The following ERI3 variants were observed in gnomAD, a reference collection of about 807,000 sequenced individuals.
ERI3 encodes the protein ERI1 exoribonuclease family member 3.
ERI3 carries 18 observed loss-of-function variants against 44.4 expected under a neutral mutation model. That is an observed-to-expected ratio of 0.41 (90% confidence interval 0.28 to 0.60). The LOEUF (loss-of-function observed/expected upper bound fraction) is 0.60. Among genes scored for constraint, ERI3 ranks in the 20% least tolerant of loss-of-function variants. The probability of loss-of-function intolerance (pLI) is 0.36; values close to 1 mark genes in which losing one functional copy is unlikely to be tolerated. For missense variants in ERI3, 294 were observed against 435.5 expected, an observed-to-expected ratio of 0.68 and a Z score of 2.89; for synonymous variants, 183 against 164.8, an observed-to-expected ratio of 1.11 and a Z score of -0.84.
intron 7 of ERI3, among the ~76,000 whole-genome samples, chr1:44,263,225 G>T (rs1228032068): frequency 6.6e-6 from 1 of 152,206 alleles, no homozygotes; most frequent in Non-Finnish European, 1.5e-5. Context: ...GGGGAAGAAT[G>T]ATAGTAACTG....
At chr1:44,294,416 C>G (rs957837197) in intron 6 of ERI3, among the ~76,000 whole-genome samples, 1 of 152,228 alleles carries the variant, frequency 6.6e-6, no homozygotes, top group Non-Finnish European at 1.5e-5. Flanking sequence ...ATGAAGCATA[C>G]AAGTGCCACA....
intron 6 of ERI3, among the ~76,000 whole-genome samples, chr1:44,295,354 T>C (rs1645589053): frequency 6.6e-6 from 1 of 152,214 alleles, no homozygotes; most frequent in Non-Finnish European, 1.5e-5. Flanking sequence ...TCTCACAGCA[T>C]TTGTGTTGTG....
intron 3 of ERI3, among the ~76,000 whole-genome samples, chr1:44,334,093 G>A (rs1489752361): frequency 6.6e-6 from 1 of 152,224 alleles, no homozygotes; most frequent in Non-Finnish European, 1.5e-5. Context: ...GGAGCCTGAC[G>A]GATGGCCAGA....
At chr1:44,315,838 G>A (rs574239138) in intron 4 of ERI3, among the ~76,000 whole-genome samples, 1 of 152,336 alleles carries the variant, frequency 6.6e-6, no homozygotes, top group Admixed American at 6.5e-5. Context: ...CAAGGCACTG[G>A]ACAAAGAAGG....
Position 44,319,616 on chromosome 1 carries a change from C to A in ERI3, c.606+12G>T, listed in dbSNP as rs754747884. 1.2e-5 allele frequency: 19 copies of A among 1,597,744 alleles called. No homozygotes were observed. The highest frequency in any genetic ancestry group is 1.6e-5 in the Non-Finnish European group (19 of 1,166,750). On this transcript the variant is annotated intron_variant, in intron 4 of 8. Transcript: ENST00000372257. ...CCCAGCAGCCCCTGCTGCCCACTTC[C>A]AGGGCCCTTACCTCTGTACAGAATG...
At chr1:44,247,386 C>T (rs1159614381) in intron 8 of ERI3, among the ~76,000 whole-genome samples, 2 of 152,164 alleles carry the variant, frequency 1.3e-5, no homozygotes, top group Non-Finnish European at 2.9e-5. Context: ...CATTTGGTAC[C>T]CCAAGTGGAC....
chr1:44,353,044 G>T, intron 1 of ERI3, 119 bp from the exon 2 acceptor site: 3 of 1,537,446 alleles, frequency 2.0e-6, no homozygotes, highest in Non-Finnish European at 2.6e-6. Flanking sequence ...CTATCTATGT[G>T]CAAAGACAGT....
intron 2 of ERI3, among the ~76,000 whole-genome samples, chr1:44,341,446 G>A (rs1487621754): frequency 2.0e-5 from 3 of 152,196 alleles, no homozygotes; most frequent in African/African-American, 4.8e-5. Context: ...TAATTCATAA[G>A]GCAGCCTCAG....
At chr1:44,301,463 T>TCA (rs1259313063) in intron 6 of ERI3, among the ~76,000 whole-genome samples, 2 of 152,194 alleles carry the variant, frequency 1.3e-5, no homozygotes, top group Non-Finnish European at 2.9e-5. Flanking sequence ...AGCAATACCC[T>TCA]CATTCCTTAC....
chr1:44,304,167 C>T (rs932454147), intron 6 of ERI3, among the ~76,000 whole-genome samples: 3 of 152,012 alleles, frequency 2.0e-5, no homozygotes, highest in Admixed American at 6.5e-5. Flanking sequence ...GAGTAGGTAG[C>T]TGGATACGCA....
chr1:44,311,302 C>T (rs1012554012), intron 5 of ERI3, among the ~76,000 whole-genome samples: 5 of 152,204 alleles, frequency 3.3e-5, no homozygotes, highest in African/African-American at 1.2e-4. Context: ...CATTCGCTTG[C>T]ACAGCAGCTA....
rs569227891 is a variant in ERI3, at chr1:44,255,319, T to C, written c.832-7281A>G. Among the ~76,000 whole-genome samples, 20 of 152,306 alleles carry C rather than the reference T, an allele frequency of 1.3e-4. No homozygotes were observed. The South Asian group carries it at 4.1e-3, about 32-fold the overall frequency. On this transcript the variant is annotated intron_variant, in intron 7 of 8. Transcript: ENST00000372257. ...CTGTGGACAGTTTCAGATTCTTACCTGCCTTCGCCATTTTGCAGCCTGCTC... is the reference window on the plus strand; with the variant it reads ...CTGTGGACAGTTTCAGATTCTTACCCGCCTTCGCCATTTTGCAGCCTGCTC...
At chr1:44,263,165 C>T (rs1486507043) in intron 7 of ERI3, among the ~76,000 whole-genome samples, 1 of 152,226 alleles carries the variant, frequency 6.6e-6, no homozygotes, top group Non-Finnish European at 1.5e-5. Context: ...GATTCTCACA[C>T]TTTTTTCTAT....
intron 8 of ERI3, among the ~76,000 whole-genome samples, chr1:44,247,543 G>A (rs892934218): frequency 4.6e-5 from 7 of 152,110 alleles, no homozygotes; most frequent in African/African-American, 9.7e-5. Flanking sequence ...CCCATTGATC[G>A]TCCAGTTTAG....
At chr1:44,354,114 C>T (rs1646949479) in intron 1 of ERI3, 1 of 985,410 alleles carries the variant, frequency 1.0e-6, no homozygotes, top group East Asian at 1.1e-4. Flanking sequence ...CTGGAAGAAA[C>T]TCTACAATCA....
intron 8 of ERI3, among the ~76,000 whole-genome samples, chr1:44,246,891 T>TC (rs973419677): frequency 1.3e-4 from 19 of 151,238 alleles, no homozygotes; most frequent in South Asian, 6.3e-4. Context: ...CTCTCTCCAG[T>TC]CCCCCCCCAC....
Position 44,308,836 on chromosome 1 carries a change from C to A in ERI3, c.667-435G>T, listed in dbSNP as rs1645894227. Among the ~76,000 whole-genome samples, 4 of 152,176 alleles carry A rather than the reference C, an allele frequency of 2.6e-5. No individual in the cohort carries two copies. The South Asian group carries it at 8.3e-4, about 31-fold the overall frequency. On this transcript the variant is annotated intron_variant, in intron 5 of 8. Transcript: ENST00000372257. ...CACTCATTCATTTATTTGTTTTACT[C>A]TTCTACCAAATGTTTATTAACCAAA...
At chr1:44,337,579 C>T (rs1646560929) in intron 3 of ERI3, among the ~76,000 whole-genome samples, 1 of 152,198 alleles carries the variant, frequency 6.6e-6, no homozygotes, top group South Asian at 2.1e-4. Flanking sequence ...AAGGACCTTC[C>T]TTTAGGATAT....
chr1:44,300,723 C>T (rs1287210985), intron 6 of ERI3, among the ~76,000 whole-genome samples: 1 of 152,166 alleles, frequency 6.6e-6, no homozygotes, highest in Non-Finnish European at 1.5e-5. Context: ...CAGTTCTGGG[C>T]CCGGGGACAT....
Sources: allele counts gnomAD v4.1 joint callset (sites outside exome capture counted in the v4.1 genomes callset), GRCh38; gene constraint gnomAD v4.1.1; transcripts MANE v1.5; gene names NCBI Gene and HGNC (gene_info 2026-07-23, HGNC 2026-07-21).